Variants in EBF3 observed in about 807,000 individuals in gnomAD.
EBF3 encodes transcription factor COE3.
In EBF3, 18 loss-of-function variants were observed where a neutral mutation model predicts 77.1. That is an observed-to-expected ratio of 0.23 (90% CI 0.16 to 0.35). The LOEUF (loss-of-function observed/expected upper bound fraction) is 0.35. Among genes scored for constraint, EBF3 ranks in the 10% least tolerant of loss-of-function variants. EBF3 has a pLI of 1.00. For synonymous variants in EBF3, 350 were observed against 343.5 expected (o/e 1.02, Z -0.21); for missense variants, 558 against 860.0 (o/e 0.65, Z 4.39).
At chr10:129,933,907 T>G (rs1857190517) in intron 6 of EBF3, among the ~76,000 whole-genome samples, 1 of 151,902 alleles carries the variant, frequency 6.6e-6, no homozygotes, top group Admixed American at 6.6e-5. Flanking sequence ...AGCCCCACTC[T>G]CTCTCAACTC....
chr10:129,951,356 G>A (rs1183879545), intron 6 of EBF3, among the ~76,000 whole-genome samples: 8 of 152,198 alleles, frequency 5.3e-5, no homozygotes, highest in African/African-American at 7.2e-5. Context: ...CTGCCGCAGC[G>A]GTGCAGGATG....
intron 6 of EBF3, among the ~76,000 whole-genome samples, chr10:129,929,502 G>A (rs1011615852): frequency 2.0e-5 from 3 of 152,278 alleles, no homozygotes; most frequent in African/African-American, 4.8e-5. Context: ...CACCATGCCC[G>A]GCCAGGAGGA....
chr10:129,940,190 C>A (rs1249116085), intron 6 of EBF3, among the ~76,000 whole-genome samples: 3 of 152,208 alleles, frequency 2.0e-5, no homozygotes, highest in Admixed American at 2.0e-4. Flanking sequence ...GGGCTCTGTG[C>A]GTGCCCACAG....
intron 6 of EBF3, among the ~76,000 whole-genome samples, chr10:129,954,265 T>A (rs1564922836): frequency 6.6e-6 from 1 of 152,210 alleles, no homozygotes; most frequent in Non-Finnish European, 1.5e-5. Context: ...AGTTGTTATA[T>A]TATTTTAAAT....
rs1056958622 is a variant in EBF3 at position 129,837,846 on chromosome 10, A to G, written c.*97T>C. The G allele has an allele frequency of 3.9e-6, 6 of 1,529,198 alleles. No individual in the cohort carries two copies. Among genetic ancestry groups the G allele is most frequent in the Non-Finnish European group, 5.4e-6 (6 of 1,109,112 alleles). 94.7% of individuals were successfully genotyped at this position (1,529,198 alleles called of 1,614,324 possible). Reference sequence around the variant, plus strand: ...TGATTTTTTTGAAGATACTGTTTCCATCAGCATGTCTTAATATACTAAACG... The same window carrying G: ...TGATTTTTTTGAAGATACTGTTTCCGTCAGCATGTCTTAATATACTAAACG... On this transcript the variant is annotated 3_prime_UTR_variant, in exon 17 of 17. Transcript: ENST00000440978.
intron 6 of EBF3, among the ~76,000 whole-genome samples, chr10:129,936,579 G>A (rs1010218932): frequency 6.6e-6 from 1 of 151,718 alleles, no homozygotes; most frequent in South Asian, 2.1e-4. Flanking sequence ...GGGGAACCAG[G>A]GGCTATGGGG....
chr10:129,958,728 A>C (rs1311745148), intron 5 of EBF3, among the ~76,000 whole-genome samples: 2 of 152,140 alleles, frequency 1.3e-5, no homozygotes, highest in Admixed American at 6.5e-5. Context: ...CGCTCTGCTG[A>C]GCAGCGGGTC....
chr10:129,958,802 G>C (rs930050970), intron 5 of EBF3, 132 bp downstream of exon 5: 25 of 1,262,816 alleles, frequency 2.0e-5, no homozygotes, highest in Non-Finnish European at 2.3e-5. Context: ...GCGCGGCCTC[G>C]GGCCGATTAC....
intron 10 of EBF3, among the ~76,000 whole-genome samples, chr10:129,849,129 C>T (rs1190008088): frequency 6.6e-6 from 1 of 152,190 alleles, no homozygotes; most frequent in Non-Finnish European, 1.5e-5. Context: ...CATAAATCAG[C>T]GGCACATGCG....
intron 6 of EBF3, among the ~76,000 whole-genome samples, chr10:129,901,144 G>T (rs957304610): frequency 6.6e-6 from 1 of 152,216 alleles, no homozygotes; most frequent in Admixed American, 6.5e-5. Context: ...TACATCTGGA[G>T]TGTCTCATCC....
intron 11 of EBF3, 109 bp from the exon 12 acceptor site, chr10:129,843,311 C>T (rs753470853): frequency 1.3e-4 from 156 of 1,179,140 alleles, no homozygotes; most frequent in Admixed American, 1.8e-4. Context: ...CCACCCACAG[C>T]GACCCGTCCT....
At chr10:129,905,745 C>T (rs949110686) in intron 6 of EBF3, among the ~76,000 whole-genome samples, 1 of 152,176 alleles carries the variant, frequency 6.6e-6, no homozygotes, top group African/African-American at 2.4e-5. Context: ...GCTTCCCAAC[C>T]GTTGCAGGTC....
chr10:129,838,027 C>G, intron 16 of EBF3, 67 bp from the exon 17 acceptor site: 3 of 1,581,452 alleles, frequency 1.9e-6, no homozygotes, highest in East Asian at 2.2e-5. Flanking sequence ...AACGCTGACG[C>G]GGGCGGGGCT....
chr10:129,882,750 T>A (rs897025206), intron 6 of EBF3, among the ~76,000 whole-genome samples: 3 of 152,234 alleles, frequency 2.0e-5, no homozygotes, highest in Non-Finnish European at 2.9e-5. Context: ...CCTACCCTCA[T>A]GTTTCCATGT....
intron 10 of EBF3, among the ~76,000 whole-genome samples, chr10:129,855,594 G>C (rs1380885153): frequency 6.6e-6 from 1 of 152,194 alleles, no homozygotes; most frequent in Non-Finnish European, 1.5e-5. Context: ...AGGTCGGGAA[G>C]TGGGCCCCAG....
At chr10:129,865,041 A>G (rs955715646) in intron 10 of EBF3, among the ~76,000 whole-genome samples, 1 of 152,206 alleles carries the variant, frequency 6.6e-6, no homozygotes, top group Non-Finnish European at 1.5e-5. Flanking sequence ...CTGTCTGCAA[A>G]CACCAGGTCT....
intron 6 of EBF3, among the ~76,000 whole-genome samples, chr10:129,916,837 C>T (rs1410977195): frequency 3.3e-5 from 5 of 152,142 alleles, no homozygotes; most frequent in Admixed American, 2.6e-4. Flanking sequence ...GTGAGCAGGA[C>T]GAAGGTGCTC....
chr10:129,952,335 G>A lies in EBF3; in HGVS notation c.554+4923C>T, dbSNP rs907249387. On this transcript the variant is annotated intron_variant, in intron 6 of 16. Transcript: ENST00000440978. The surrounding 1 kb of genome is among the most constrained non-coding windows in gnomAD (Gnocchi z 4.7). ...TTTAAGAAGTTAATAAACAGTCTCC[G>A]TTTTGCAGGTTATCCAAATGCTACT... 8.5e-5 allele frequency among the ~76,000 whole-genome samples: 13 copies of A among 152,286 alleles called. No individual in the cohort carries two copies. In the East Asian group the frequency reaches 1.9e-3, roughly 23 times the overall value.
chr10:129,865,611 G>A (rs1390710918), intron 10 of EBF3, among the ~76,000 whole-genome samples: 1 of 152,206 alleles, frequency 6.6e-6, no homozygotes, highest in African/African-American at 2.4e-5. Flanking sequence ...GGACACCTCT[G>A]GGACAGCAGC....
Sources: gnomAD v4.1 joint callset for allele counts (sites outside exome capture counted in the v4.1 genomes callset) on GRCh38, gnomAD v4.1.1 for gene constraint, Gnocchi (gnomAD v3.1) non-coding constraint, MANE v1.5 for transcripts, NCBI Gene and HGNC (gene_info 2026-07-23, HGNC 2026-07-21) for gene names.